IPO11: variants seen among roughly 807,000 people sequenced by gnomAD.
IPO11 encodes the protein importin 11.
Under a neutral mutation model 143.2 loss-of-function variants are expected in IPO11, and 66 were observed. That is an observed-to-expected ratio of 0.46 (90% CI 0.38 to 0.57). The LOEUF is 0.57. IPO11 is among the 20% of genes least tolerant of loss of function. IPO11 has a pLI of 0.00. For synonymous variants in IPO11, 385 were observed against 377.8 expected (o/e 1.02, Z -0.22); for missense variants, 1,026 against 1,141.0 (o/e 0.90, Z 1.45).
In IPO11 at chr5:62,421,126, A is replaced by G. The variant is rs1344924333; in HGVS notation, c.-7+8197A>G. Among the ~76,000 whole-genome samples the G allele has an allele frequency of 3.3e-5, 5 of 152,158 alleles. No homozygotes were observed. In the East Asian group the frequency reaches 9.6e-4, roughly 29 times the overall value. On this transcript the variant is annotated intron_variant, in intron 1 of 29. Transcript: ENST00000325324. The stretch of plus-strand genomic sequence containing the variant: ...TTAAATCCCTGATAACCAGTGAGAT[A>G]GCATCTCTTCTGATATTAATTAAAC...
intron 29 of IPO11, among the ~76,000 whole-genome samples, chr5:62,605,874 C>T (rs1308619617): frequency 6.6e-6 from 1 of 151,874 alleles, no homozygotes; most frequent in South Asian, 2.1e-4. Context: ...TAGCTGAGAC[C>T]GCATGTGCAT....
intron 29 of IPO11, among the ~76,000 whole-genome samples, chr5:62,616,710 ACT>A (rs2112474365): frequency 9.7e-6 from 1 of 102,822 alleles, no homozygotes; most frequent in African/African-American, 4.2e-5. Flanking sequence ...ACAGGGTGAG[ACT>A]CTGACTCAAA....
chr5:62,431,263 G>A (rs370067519), intron 1 of IPO11, among the ~76,000 whole-genome samples: 5 of 152,268 alleles, frequency 3.3e-5, no homozygotes, highest in African/African-American at 1.2e-4. Flanking sequence ...ACAGGTGTGA[G>A]CTACCACATC....
chr5:62,587,856 G>A (rs1397901352), intron 27 of IPO11, among the ~76,000 whole-genome samples: 1 of 152,178 alleles, frequency 6.6e-6, no homozygotes, highest in East Asian at 1.9e-4. Flanking sequence ...AGGCCGTGTA[G>A]CTAGTCACTG....
chr5:62,547,072 A>G (rs899873009), intron 24 of IPO11, among the ~76,000 whole-genome samples: 5 of 152,206 alleles, frequency 3.3e-5, no homozygotes, highest in Non-Finnish European at 7.3e-5. Flanking sequence ...TCTAACTGTT[A>G]CGATGTTGGT....
At chr5:62,515,291 G>A (rs945130973) in intron 19 of IPO11, 97 bp from the exon 20 acceptor site, 2 of 654,032 alleles carry the variant, frequency 3.1e-6, no homozygotes, top group East Asian at 2.8e-5. Context: ...TTAAATATGT[G>A]CTGTCTGGGA....
chr5:62,474,948 A>G (rs1170378754), intron 8 of IPO11, among the ~76,000 whole-genome samples: 2 of 152,200 alleles, frequency 1.3e-5, no homozygotes, highest in Non-Finnish European at 2.9e-5. Context: ...ATTTATCTCC[A>G]TACTCAGAAT....
At chr5:62,618,787 TG>T (rs1314851350) in intron 29 of IPO11, among the ~76,000 whole-genome samples, 1 of 152,198 alleles carries the variant, frequency 6.6e-6, no homozygotes, top group Non-Finnish European at 1.5e-5. Flanking sequence ...GGTGGGCGCC[TG>T]TAGTCCCACC....
At position 62,494,094 on chromosome 5, in the gene IPO11, CTG is replaced by C; in HGVS notation, c.1562_1563del (p.Cys521Ter). 1 of 1,611,276 alleles carries C rather than the reference CTG, an allele frequency of 6.2e-7. No individual in the cohort carries two copies. On this transcript the variant is annotated frameshift_variant, in exon 16 of 30. Transcript: ENST00000325324. LOFTEE classifies it high-confidence loss of function. The stretch of plus-strand genomic sequence containing the variant: ...TAAGACCCATGCTTTATGAAGCAAT[CTG>C]TAACTTGCTTCAAGATCAAGATTTA... ...DLRPMLYEAI[C>X]NLLQDQDLVV...
intron 26 of IPO11, among the ~76,000 whole-genome samples, chr5:62,551,800 A>G (rs1047347727): frequency 2.4e-4 from 36 of 152,136 alleles, no homozygotes; most frequent in African/African-American, 8.2e-4. Context: ...TACCAGAGTA[A>G]GTTTGGAATA....
intron 27 of IPO11, among the ~76,000 whole-genome samples, chr5:62,582,068 G>T (rs891127893): frequency 1.3e-5 from 2 of 152,174 alleles, no homozygotes; most frequent in African/African-American, 4.8e-5. Context: ...GAGAGATCAG[G>T]TGATGAAAGC....
At chr5:62,548,984 C>A (rs1385797998) in intron 24 of IPO11, among the ~76,000 whole-genome samples, 1 of 152,062 alleles carries the variant, frequency 6.6e-6, no homozygotes, top group Non-Finnish European at 1.5e-5. Flanking sequence ...ACTTTCTACT[C>A]ACAGATAAAT....
In IPO11 at chr5:62,435,210, G is replaced by A. The variant is rs13177103; in HGVS notation, c.-6-2064G>A. Among the ~76,000 whole-genome samples the A allele has an allele frequency of 1.4e-3, 132 of 92,254 alleles. 6 individuals are homozygous for A. The highest frequency in any genetic ancestry group is 0.012 in the South Asian group (37 of 3,094). 60.5% of individuals were successfully genotyped at this position (92,254 alleles called of 152,430 possible). ...TATATGTATATATATGTATATATAT[G>A]TGTATATATATATATATCAGAGCAG... On this transcript the variant is annotated intron_variant, in intron 1 of 29. Coordinates refer to ENST00000325324, the MANE Select transcript of IPO11 (RefSeq NM_016338.5).
At chr5:62,525,976 A>G (rs1742357940) in intron 20 of IPO11, among the ~76,000 whole-genome samples, 166 bp from the exon 21 acceptor site, 1 of 152,238 alleles carries the variant, frequency 6.6e-6, no homozygotes, top group Non-Finnish European at 1.5e-5. Context: ...TTCCTTTCCA[A>G]TTATAAACAG....
In IPO11 at chr5:62,458,482, G is replaced by A. The variant is rs1192219993; in HGVS notation, c.516+6549G>A. On this transcript the variant is annotated intron_variant, in intron 5 of 29. Coordinates refer to ENST00000325324, the MANE Select transcript of IPO11 (RefSeq NM_016338.5). ...TGCCCGGCTAATTTTTGTACTTTTA[G>A]TAGGGACAGGGTTTTGCCACATTGG... 7.9e-5 allele frequency among the ~76,000 whole-genome samples: 12 copies of A among 152,170 alleles called. No individual in the cohort carries two copies. In the South Asian group the frequency reaches 1.4e-3, roughly 18 times the overall value.
chr5:62,490,088 A>C (rs1561332338), intron 14 of IPO11, 27 bp from the exon 15 acceptor site: 1 of 1,429,976 alleles, frequency 7.0e-7, no homozygotes, highest in Non-Finnish European at 9.5e-7. Flanking sequence ...GAAACCTTTA[A>C]TTTTTTTTCT....
At chr5:62,607,588 A>G (rs1745770350) in intron 29 of IPO11, among the ~76,000 whole-genome samples, 1 of 152,186 alleles carries the variant, frequency 6.6e-6, no homozygotes, top group South Asian at 2.1e-4. Context: ...TAATATGAGA[A>G]TAATTCATCA....
intron 29 of IPO11, among the ~76,000 whole-genome samples, chr5:62,626,948 C>T (rs538843159): frequency 3.3e-5 from 5 of 152,128 alleles, no homozygotes; most frequent in South Asian, 4.2e-4. Context: ...GTTCAGGGGG[C>T]GCTAGGGAAC....
Position 62,617,574 on chromosome 5 carries a change from T to G in IPO11, c.2764-9580T>G, listed in dbSNP as rs189436092. The stretch of plus-strand genomic sequence containing the variant: ...TATTACACTTTGTTATGTAGCCATT[T>G]TACTTTAATGACAATAAGATGAATG... On this transcript the variant is annotated intron_variant, in intron 29 of 29. Coordinates refer to ENST00000325324, the MANE Select transcript of IPO11 (RefSeq NM_016338.5). 1.7e-3 allele frequency among the ~76,000 whole-genome samples: 254 copies of G among 152,334 alleles called. 1 individual carries two copies. Among genetic ancestry groups the G allele is most frequent in the Non-Finnish European group, 2.5e-3 (171 of 68,012 alleles).
Sources: gnomAD v4.1 joint callset for allele counts (sites outside exome capture counted in the v4.1 genomes callset) on GRCh38, gnomAD v4.1.1 for gene constraint, MANE v1.5 for transcripts, NCBI Gene and HGNC (gene_info 2026-07-23, HGNC 2026-07-21) for gene names.